The following LRP1B variants were observed in gnomAD, a reference collection of about 807,000 sequenced individuals.
The protein encoded by LRP1B is LDL receptor related protein 1B.
A neutral mutation model predicts 556.6 loss-of-function variants in LRP1B; 217 were observed. The observed-to-expected ratio is 0.39, with a 90% CI of 0.35 to 0.44. The LOEUF (loss-of-function observed/expected upper bound fraction) is 0.44. Among genes scored for constraint, LRP1B ranks in the 20% least tolerant of loss-of-function variants. LRP1B has a pLI of 1.00. For missense variants in LRP1B, 5,053 were observed against 5,620.8 expected (o/e 0.90, Z 3.23); for synonymous variants, 2,047 against 1,865.8 (o/e 1.10, Z -2.50).
intron 1 of LRP1B, among the ~76,000 whole-genome samples, chr2:142,019,742 C>T (rs1023449216): frequency 2.6e-5 from 4 of 152,162 alleles, no homozygotes; most frequent in African/African-American, 7.2e-5. Flanking sequence ...CCAGGATGAC[C>T]ATTGACTTCC....
At chr2:141,740,282 G>C (rs967178089) in intron 2 of LRP1B, among the ~76,000 whole-genome samples, 7 of 152,080 alleles carry the variant, frequency 4.6e-5, no homozygotes, top group Non-Finnish European at 1.0e-4. Context: ...ATGGCAGGGG[G>C]CCTCCCAAGT....
chr2:140,954,849 C>T (rs1189995773), intron 18 of LRP1B, among the ~76,000 whole-genome samples: 7 of 151,754 alleles, frequency 4.6e-5, no homozygotes, highest in African/African-American at 1.7e-4. Context: ...CCTTATAGTC[C>T]AACTTAGCTT....
chr2:141,759,455 AG>A (rs1361792983), intron 2 of LRP1B, among the ~76,000 whole-genome samples: 2 of 152,206 alleles, frequency 1.3e-5, no homozygotes, highest in Non-Finnish European at 1.5e-5. Flanking sequence ...ATATAGGGAT[AG>A]GGAATGCAAC....
chr2:141,545,327 G>A (rs912871606), intron 2 of LRP1B, among the ~76,000 whole-genome samples: 6 of 152,112 alleles, frequency 3.9e-5, no homozygotes, highest in Non-Finnish European at 5.9e-5. Context: ...TTTCTATTAT[G>A]TTTTATTAGG....
rs116828298 is a variant in LRP1B at position 141,025,905 on chromosome 2, A to G, written c.1790-5803T>C. 6.2e-3 allele frequency among the ~76,000 whole-genome samples: 947 copies of G among 152,196 alleles called. 15 individuals are homozygous for G. The highest frequency in any genetic ancestry group is 0.022 in the African/African-American group (909 of 41,556). ...TAAAACACTGAAAAGTATATATTTC[A>G]GAGGACAAAATAGCTTTCAATTAAA... On this transcript the variant is annotated intron_variant, in intron 11 of 90. Coordinates refer to ENST00000389484, the MANE Select transcript of LRP1B (RefSeq NM_018557.3).
chr2:140,690,535 C>G (rs1052802959), intron 41 of LRP1B, among the ~76,000 whole-genome samples: 2 of 152,146 alleles, frequency 1.3e-5, no homozygotes, highest in Admixed American at 6.5e-5. Flanking sequence ...AATGATTTTT[C>G]TTCCCCTACA....
At chr2:140,716,172 T>C (rs951778073) in intron 36 of LRP1B, 70 bp from the exon 37 acceptor site, 21 of 1,149,076 alleles carry the variant, frequency 1.8e-5, no homozygotes. Flanking sequence ...TGACTAAAAT[T>C]AAATTTCTGA....
At chr2:141,891,092 T>C (rs1299955064) in intron 1 of LRP1B, among the ~76,000 whole-genome samples, 1 of 152,142 alleles carries the variant, frequency 6.6e-6, no homozygotes, top group Admixed American at 6.6e-5. Context: ...CTTTACAGCA[T>C]GCCACTGGAT....
intron 2 of LRP1B, among the ~76,000 whole-genome samples, chr2:141,706,217 G>T (rs1319757739): frequency 1.3e-5 from 2 of 151,904 alleles, no homozygotes; most frequent in South Asian, 4.1e-4. Flanking sequence ...TTACCTCAAC[G>T]CTGAGGAATA....
At chr2:141,369,769 C>T (rs886890155) in intron 3 of LRP1B, among the ~76,000 whole-genome samples, 2 of 152,146 alleles carry the variant, frequency 1.3e-5, no homozygotes, top group Non-Finnish European at 2.9e-5. Context: ...TGAAGCAATG[C>T]ACATTGTACC....
intron 46 of LRP1B, among the ~76,000 whole-genome samples, chr2:140,535,282 T>C (rs984683349): frequency 6.6e-6 from 1 of 152,152 alleles, no homozygotes; most frequent in Admixed American, 6.6e-5. Flanking sequence ...TTATAGTAAA[T>C]GCAAGCCTGT....
intron 35 of LRP1B, among the ~76,000 whole-genome samples, chr2:140,768,436 A>G (rs1460247595): frequency 6.6e-6 from 1 of 151,956 alleles, no homozygotes; most frequent in Non-Finnish European, 1.5e-5. Context: ...TTAAAACATT[A>G]ATTCAGAAAA....
chr2:140,624,938 T>C (rs1428315217), intron 41 of LRP1B, among the ~76,000 whole-genome samples: 1 of 152,136 alleles, frequency 6.6e-6, no homozygotes, highest in Non-Finnish European at 1.5e-5. Flanking sequence ...AAACAGCGTA[T>C]GTCAAAGCTC....
chr2:141,755,634 T>G (rs115945209), intron 2 of LRP1B, among the ~76,000 whole-genome samples: 32 of 152,176 alleles, frequency 2.1e-4, no homozygotes, highest in African/African-American at 7.7e-4. Context: ...ATGCTATAAT[T>G]TTTAAACTAC....
chr2:141,547,710 A>G (rs548326407), intron 2 of LRP1B, among the ~76,000 whole-genome samples: 1 of 152,148 alleles, frequency 6.6e-6, no homozygotes, highest in Admixed American at 6.6e-5. Flanking sequence ...CTCACCTTCC[A>G]TGTAGCTGTA....
intron 18 of LRP1B, among the ~76,000 whole-genome samples, chr2:140,973,689 G>T (rs1696505997): frequency 6.6e-6 from 1 of 152,140 alleles, no homozygotes; most frequent in Non-Finnish European, 1.5e-5. Context: ...AAAAAGCCCA[G>T]TATGATCTGT....
intron 31 of LRP1B, among the ~76,000 whole-genome samples, chr2:140,837,327 T>A (rs1352523760): frequency 6.6e-6 from 1 of 152,118 alleles, no homozygotes; most frequent in African/African-American, 2.4e-5. Flanking sequence ...CTGTGCCCCT[T>A]AAGGAAAAGG....
chr2:141,236,694 G>A (rs779492994), intron 5 of LRP1B, among the ~76,000 whole-genome samples: 14 of 152,124 alleles, frequency 9.2e-5, no homozygotes, highest in East Asian at 1.9e-4. Context: ...AAATGGAAAC[G>A]TCTTACACAC....
intron 1 of LRP1B, among the ~76,000 whole-genome samples, chr2:142,013,508 C>A (rs535808279): frequency 4.6e-4 from 69 of 151,468 alleles, no homozygotes; most frequent in Non-Finnish European, 8.0e-4. Flanking sequence ...ATTAAGTATG[C>A]ACAGAATAAA....
Sources: allele counts gnomAD v4.1 joint callset (sites outside exome capture counted in the v4.1 genomes callset), GRCh38; gene constraint gnomAD v4.1.1; transcripts MANE v1.5; gene names NCBI Gene and HGNC (gene_info 2026-07-23, HGNC 2026-07-21).